Variants in LRP1B observed in about 807,000 individuals in gnomAD.
The protein encoded by LRP1B is LDL receptor related protein 1B, also known as low-density lipoprotein receptor-related protein 1B.
LRP1B carries 217 observed loss-of-function variants against 556.6 expected under a neutral mutation model. The ratio of observed to expected loss-of-function variants is 0.39; its 90% CI spans 0.35 to 0.44. The LOEUF is 0.44. Among genes scored for constraint, LRP1B ranks in the 20% least tolerant of loss-of-function variants. LRP1B has a pLI of 1.00. For synonymous variants in LRP1B, 2,047 were observed against 1,865.8 expected (o/e 1.10, Z -2.50); for missense variants, 5,053 against 5,620.8 (o/e 0.90, Z 3.23).
chr2:141,972,063 T>G (rs1038599737), intron 1 of LRP1B, among the ~76,000 whole-genome samples: 3 of 151,616 alleles, frequency 2.0e-5, no homozygotes, highest in African/African-American at 7.2e-5. Flanking sequence ...ATGTTTTGAA[T>G]GCTGGAACAT....
At chr2:140,987,456 T>G (rs767113243) in intron 17 of LRP1B, among the ~76,000 whole-genome samples, 7 of 152,152 alleles carry the variant, frequency 4.6e-5, no homozygotes, top group African/African-American at 7.2e-5. Context: ...AAAACTGTTT[T>G]ATTTGCTCTT....
intron 7 of LRP1B, among the ~76,000 whole-genome samples, chr2:141,156,513 A>C (rs1456982876): frequency 6.6e-6 from 1 of 152,004 alleles, no homozygotes; most frequent in Non-Finnish European, 1.5e-5. Context: ...CTGTAATCCC[A>C]GCTACTTGGG....
At chr2:141,601,637 T>TCCTTCCTTCCTTCCTTCCTC (rs1687745176) in intron 2 of LRP1B, among the ~76,000 whole-genome samples, 1 of 150,888 alleles carries the variant, frequency 6.6e-6, no homozygotes. Context: ...CTTCCTTCCT[T>TCCTTCCTTCCTTCCTTCCTC]CCTTCCTTTT....
chr2:141,069,948 C>T (rs1045527656), intron 7 of LRP1B, among the ~76,000 whole-genome samples: 1 of 130,914 alleles, frequency 7.6e-6, no homozygotes, highest in Non-Finnish European at 1.6e-5. Flanking sequence ...AGCTATACCT[C>T]CCCCCTCCCC....
intron 2 of LRP1B, among the ~76,000 whole-genome samples, chr2:141,680,546 C>T (rs1295313723): frequency 1.3e-5 from 2 of 151,994 alleles, no homozygotes; most frequent in Admixed American, 6.6e-5. Flanking sequence ...CACTATAATG[C>T]AACATGAAAA....
At chr2:142,038,269 T>C (rs1441554204) in intron 1 of LRP1B, among the ~76,000 whole-genome samples, 2 of 151,684 alleles carry the variant, frequency 1.3e-5, no homozygotes, top group Non-Finnish European at 1.5e-5. Context: ...TTGAATGCAA[T>C]GATACAGTGG....
chr2:140,426,727 G>C (rs1026596234), intron 66 of LRP1B, among the ~76,000 whole-genome samples: 26 of 152,134 alleles, frequency 1.7e-4, no homozygotes, highest in Non-Finnish European at 2.8e-4. Context: ...CAGCCCGCCT[G>C]CACCCAGGTG....
intron 25 of LRP1B, among the ~76,000 whole-genome samples, chr2:140,879,483 T>C (rs1296542788): frequency 1.3e-5 from 2 of 152,150 alleles, no homozygotes; most frequent in Admixed American, 1.3e-4. Context: ...CAACACTTTT[T>C]ATAAATAACA....
intron 41 of LRP1B, among the ~76,000 whole-genome samples, chr2:140,615,359 A>G (rs1683219463): frequency 6.6e-6 from 1 of 152,068 alleles, no homozygotes; most frequent in Non-Finnish European, 1.5e-5. Flanking sequence ...AACTATCTTC[A>G]ATAAACCCTA....
chr2:141,397,293 G>A (rs920742859), intron 3 of LRP1B, among the ~76,000 whole-genome samples: 9 of 151,210 alleles, frequency 6.0e-5, no homozygotes, highest in African/African-American at 1.9e-4. Context: ...TCCTTCTTTC[G>A]TAGATATTTC....
chr2:140,526,058 A>C, intron 48 of LRP1B, 65 bp from the exon 49 acceptor site: 1 of 1,511,144 alleles, frequency 6.6e-7, no homozygotes, highest in Non-Finnish European at 9.1e-7. Context: ...CCTTCTATGT[A>C]GGTCATAGAG....
At chr2:141,382,268 T>G (rs2104888902) in intron 3 of LRP1B, among the ~76,000 whole-genome samples, 1 of 152,256 alleles carries the variant, frequency 6.6e-6, no homozygotes, top group Admixed American at 6.5e-5. Flanking sequence ...TCACATGAGG[T>G]ACCAGAGGGA....
chr2:140,268,887 T>C (rs1222833416), intron 86 of LRP1B, among the ~76,000 whole-genome samples: 16 of 145,612 alleles, frequency 1.1e-4, no homozygotes, highest in Admixed American at 1.0e-3. Context: ...GGAAACAAAA[T>C]AGAGCGCTTC....
At chr2:141,428,307 T>A (rs1319779830) in intron 3 of LRP1B, among the ~76,000 whole-genome samples, 2 of 152,172 alleles carry the variant, frequency 1.3e-5, no homozygotes, top group Non-Finnish European at 2.9e-5. Flanking sequence ...ATTGTTCACC[T>A]CCTGAGATCA....
At chr2:140,809,255 A>AG (rs1232451989) in intron 32 of LRP1B, among the ~76,000 whole-genome samples, 1 of 152,066 alleles carries the variant, frequency 6.6e-6, no homozygotes, top group Non-Finnish European at 1.5e-5. Flanking sequence ...TTAAAAAAAA[A>AG]TTTTAAAAAA....
At chr2:141,259,558 T>A (rs1684609877) in intron 3 of LRP1B, among the ~76,000 whole-genome samples, 1 of 152,174 alleles carries the variant, frequency 6.6e-6, no homozygotes, top group Admixed American at 6.5e-5. Context: ...GTGCAGGGAA[T>A]CCAGCAGACT....
chr2:141,217,953 T>G (rs766457315), intron 6 of LRP1B, among the ~76,000 whole-genome samples: 1 of 152,032 alleles, frequency 6.6e-6, no homozygotes, highest in Non-Finnish European at 1.5e-5. Flanking sequence ...AAAGAAGATA[T>G]ACAAGTGGCC....
At chr2:140,425,067 A>G (rs1685599058) in intron 66 of LRP1B, among the ~76,000 whole-genome samples, 1 of 151,046 alleles carries the variant, frequency 6.6e-6, no homozygotes, top group Admixed American at 6.6e-5. Context: ...TTTTTTTATC[A>G]CTGACTATGT....
At chr2:141,276,638 T>TTTTCTTTC (rs70991151) in intron 3 of LRP1B, among the ~76,000 whole-genome samples, 30,993 of 135,708 alleles carry the variant, frequency 0.23, 4,585 homozygotes, top group Middle Eastern at 0.38. Context: ...CATTCTATTT[T>TTTTCTTTC]TTTCTTTCTT....
Sources: allele counts gnomAD v4.1 joint callset (sites outside exome capture counted in the v4.1 genomes callset), GRCh38; gene constraint gnomAD v4.1.1; transcripts MANE v1.5; gene names NCBI Gene and HGNC (gene_info 2026-07-23, HGNC 2026-07-21).